Variants in CCDC62 observed in about 807,000 individuals in gnomAD.
CCDC62 encodes the protein coiled-coil domain-containing protein 62.
CCDC62 carries 72 observed loss-of-function variants against 80.8 expected under a neutral mutation model. The observed-to-expected ratio is 0.89, with a 90% CI of 0.74 to 1.08. The LOEUF is 1.08. Ranked by LOEUF, CCDC62 falls within the 50% of genes least tolerant of loss-of-function variation. The pLI is 0.00. For synonymous variants in CCDC62, 286 were observed against 296.5 expected (o/e 0.96, Z 0.36); for missense variants, 704 against 809.4 (o/e 0.87, Z 1.58).
intron 9 of CCDC62, among the ~76,000 whole-genome samples, chr12:122,802,124 T>TA (rs2135561693): frequency 6.6e-6 from 1 of 152,266 alleles, no homozygotes; most frequent in South Asian, 2.1e-4. Flanking sequence ...AACCAGTTGT[T>TA]ATGACTTGGG....
At chr12:122,789,510 A>G (rs1273262993) in intron 5 of CCDC62, among the ~76,000 whole-genome samples, 1 of 152,246 alleles carries the variant, frequency 6.6e-6, no homozygotes, top group East Asian at 1.9e-4. Context: ...TTGGTTCACC[A>G]CTGCCTCCAC....
rs59113229 is a variant in CCDC62, at chr12:122,800,164, CTTTTTT to C, written c.978-941_978-936del. Among the ~76,000 whole-genome samples the C allele has an allele frequency of 4.2e-3, 437 of 104,964 alleles. 2 individuals carry two copies. The highest frequency in any genetic ancestry group is 0.015 in the African/African-American group (393 of 25,990). The allele number at this position is 104,964 out of a possible 152,430, so 68.9% of individuals were successfully genotyped here. On this transcript the variant is annotated intron_variant, in intron 8 of 12. Coordinates refer to ENST00000253079, the MANE Select transcript of CCDC62 (RefSeq NM_201435.5). Reference sequence around the variant, plus strand: ...AGGCATGCGCCACCATGCCCGGCTACTTTTTTTTTTTTTTTTTTTTTTTTGTACATA... The same window carrying C: ...AGGCATGCGCCACCATGCCCGGCTACTTTTTTTTTTTTTTTTTTGTACATA...
chr12:122,781,521 A>C (rs951418964), intron 3 of CCDC62, among the ~76,000 whole-genome samples, 191 bp downstream of exon 3: 1 of 152,058 alleles, frequency 6.6e-6, no homozygotes, highest in Non-Finnish European at 1.5e-5. Context: ...CCCCATCTCT[A>C]CTAAAAATAC....
At chr12:122,797,420 G>A (rs10744394) in intron 7 of CCDC62, 25 bp downstream of exon 7, 1,215,426 of 1,304,102 alleles carry the variant, frequency 0.93, 568,946 homozygotes, top group East Asian at 0.99. Flanking sequence ...ATCCTTCTCT[G>A]TCACATAAGA....
chr12:122,801,905 G>A (rs2031338364), intron 9 of CCDC62, 53 bp downstream of exon 9: 2 of 1,560,576 alleles, frequency 1.3e-6, no homozygotes, highest in Non-Finnish European at 1.7e-6. Flanking sequence ...GCCAGTATTT[G>A]GAAATACAAA....
intron 10 of CCDC62, among the ~76,000 whole-genome samples, chr12:122,809,768 A>G (rs369348096): frequency 1.8e-3 from 273 of 152,352 alleles, no homozygotes; most frequent in African/African-American, 6.2e-3. Context: ...ACTTCAAACT[A>G]TACTACAAGG....
At chr12:122,786,965 A>C (rs1032570522) in intron 4 of CCDC62, among the ~76,000 whole-genome samples, 12 of 152,152 alleles carry the variant, frequency 7.9e-5, no homozygotes, top group African/African-American at 2.2e-4. Flanking sequence ...CTCAAAAAAA[A>C]ATTAAATTAA....
chr12:122,779,383 T>G (rs1879682361), intron 2 of CCDC62, among the ~76,000 whole-genome samples: 2 of 152,228 alleles, frequency 1.3e-5, no homozygotes, highest in South Asian at 4.1e-4. Flanking sequence ...GCTGAAGGTG[T>G]GCATATCCTA....
intron 6 of CCDC62, among the ~76,000 whole-genome samples, chr12:122,795,688 T>C (rs1036601195): frequency 3.3e-5 from 5 of 152,218 alleles, no homozygotes; most frequent in African/African-American, 1.2e-4. Context: ...CCTCCCAAAG[T>C]GCTGGGATTA....
chr12:122,796,941 G>A (rs1593801275), intron 6 of CCDC62, among the ~76,000 whole-genome samples: 3 of 148,406 alleles, frequency 2.0e-5, no homozygotes, highest in South Asian at 2.1e-4. Flanking sequence ...GTGCAGTGGC[G>A]CAATCTCTGC....
At chr12:122,800,568 C>T (rs1375258824) in intron 8 of CCDC62, among the ~76,000 whole-genome samples, 1 of 151,872 alleles carries the variant, frequency 6.6e-6, no homozygotes, top group Non-Finnish European at 1.5e-5. Context: ...GCTGGGAATA[C>T]AGGCCTGCGC....
At chr12:122,776,216 G>A (rs1439577846) in intron 1 of CCDC62, among the ~76,000 whole-genome samples, 2 of 152,174 alleles carry the variant, frequency 1.3e-5, no homozygotes, top group Admixed American at 1.3e-4. Flanking sequence ...TCGTTTTACA[G>A]GTGAGGAAAC....
At chr12:122,812,803 G>GAAAGA in intron 10 of CCDC62, among the ~76,000 whole-genome samples, 1 of 144,124 alleles carries the variant, frequency 6.9e-6, no homozygotes, top group South Asian at 2.3e-4. Flanking sequence ...AAGAAAGAAA[G>GAAAGA]AAAGAAAGAA....
chr12:122,814,871 A>T (rs961685645), intron 11 of CCDC62, among the ~76,000 whole-genome samples: 3 of 150,492 alleles, frequency 2.0e-5, no homozygotes, highest in Admixed American at 6.6e-5. Flanking sequence ...CCCAGGCTGG[A>T]GTGCAGTAGC....
chr12:122,795,420 G>GA (rs1267692550), intron 6 of CCDC62, among the ~76,000 whole-genome samples: 1 of 151,020 alleles, frequency 6.6e-6, no homozygotes, highest in Non-Finnish European at 1.5e-5. Context: ...AAAACTTGTA[G>GA]AAAATGCAGT....
chr12:122,813,890 C>T (rs2032048183), intron 11 of CCDC62, among the ~76,000 whole-genome samples: 1 of 151,982 alleles, frequency 6.6e-6, no homozygotes, highest in South Asian at 2.1e-4. Context: ...CTCCTGATCT[C>T]CAGTGATCCA....
chr12:122,811,785 GCA>G (rs1350904198), intron 10 of CCDC62, among the ~76,000 whole-genome samples: 2 of 118,668 alleles, frequency 1.7e-5, no homozygotes, highest in Non-Finnish European at 1.6e-5. Context: ...TCACGCCACT[GCA>G]CTCCAGCCTG....
chr12:122,821,981 C>T (rs373527183), intron 11 of CCDC62, among the ~76,000 whole-genome samples: 1 of 150,404 alleles, frequency 6.6e-6, no homozygotes, highest in Non-Finnish European at 1.5e-5. Flanking sequence ...GTAATCCTAG[C>T]CCTTTGGGAG....
intron 12 of CCDC62, among the ~76,000 whole-genome samples, 173 bp from the exon 13 acceptor site, chr12:122,826,241 CCTCCTCCT>C (rs1313138039): frequency 2.0e-5 from 3 of 151,832 alleles, no homozygotes; most frequent in African/African-American, 7.3e-5. Flanking sequence ...CGCCCCCATC[CCTCCTCCT>C]CTCCCCTCCC....
Sources: allele counts gnomAD v4.1 joint callset (sites outside exome capture counted in the v4.1 genomes callset), GRCh38; gene constraint gnomAD v4.1.1; transcripts MANE v1.5; gene names NCBI Gene and HGNC (gene_info 2026-07-23, HGNC 2026-07-21).